Variants in ARFGEF1 observed in about 807,000 individuals in gnomAD.
The protein encoded by ARFGEF1 is brefeldin A-inhibited guanine nucleotide-exchange protein 1.
In ARFGEF1, 42 loss-of-function variants were observed where a neutral mutation model predicts 231.0. The observed-to-expected ratio is 0.18, with a 90% CI of 0.14 to 0.24. The LOEUF (loss-of-function observed/expected upper bound fraction) is 0.24, where lower values mean the gene tolerates loss of function less well. ARFGEF1 is among the 10% of genes least tolerant of loss of function. ARFGEF1 has a pLI of 1.00. For synonymous variants in ARFGEF1, 710 were observed against 732.3 expected (o/e 0.97, Z 0.49); for missense variants, 1,345 against 2,192.0 (o/e 0.61, Z 7.72).
At chr8:67,263,133 A>C (rs1804705234) in intron 14 of ARFGEF1, among the ~76,000 whole-genome samples, 1 of 151,940 alleles carries the variant, frequency 6.6e-6, no homozygotes, top group Admixed American at 6.6e-5. Flanking sequence ...CCATTCCCTA[A>C]ATCTATTTTT....
At chr8:67,287,842 G>T in intron 7 of ARFGEF1, 113 bp downstream of exon 7, 1 of 621,768 alleles carries the variant, frequency 1.6e-6, no homozygotes, top group Non-Finnish European at 2.5e-6. Flanking sequence ...ACTTTCCATT[G>T]GTTGGCTCCA....
chr8:67,175,034 G>A (rs1831277205), downstream of ARFGEF1: 3 of 399,228 alleles, frequency 7.5e-6, no homozygotes, highest in Admixed American at 1.1e-4. Context: ...AGGTAGAGAT[G>A]GACAATGCAA....
At chr8:67,265,430 G>A (rs1206441246) in intron 14 of ARFGEF1, among the ~76,000 whole-genome samples, 2 of 152,116 alleles carry the variant, frequency 1.3e-5, no homozygotes, top group Non-Finnish European at 2.9e-5. Context: ...GGCAACAAGA[G>A]AAAGGAAGGC....
chr8:67,265,560 A>G (rs1804817197), intron 14 of ARFGEF1, among the ~76,000 whole-genome samples: 1 of 152,184 alleles, frequency 6.6e-6, no homozygotes, highest in Non-Finnish European at 1.5e-5. Flanking sequence ...AAGAGAGGTG[A>G]TCACCTCATC....
At chr8:67,263,709 C>T (rs1447615141) in intron 14 of ARFGEF1, among the ~76,000 whole-genome samples, 1 of 152,118 alleles carries the variant, frequency 6.6e-6, no homozygotes, top group Non-Finnish European at 1.5e-5. Flanking sequence ...ACACTTTTCA[C>T]TAAGCTAAAC....
At chr8:67,208,629 C>CAAAAAAA (rs1226322166) in intron 34 of ARFGEF1, among the ~76,000 whole-genome samples, 1,330 of 50,416 alleles carry the variant, frequency 0.026, 19 homozygotes, top group African/African-American at 0.052. Flanking sequence ...GACTCCATCT[C>CAAAAAAA]AAAAAAAAAA....
intron 14 of ARFGEF1, 39 bp downstream of exon 14, chr8:67,265,967 G>A: frequency 6.3e-7 from 1 of 1,587,874 alleles, no homozygotes; most frequent in Non-Finnish European, 8.6e-7. Context: ...CTGGCAGAGA[G>A]ATATTCAATA....
At chr8:67,185,740 A>T (rs1051226310) in intron 5 of ARFGEF1, among the ~76,000 whole-genome samples, 9 of 152,160 alleles carry the variant, frequency 5.9e-5, no homozygotes, top group Middle Eastern at 3.2e-3. Flanking sequence ...AAGATGATGA[A>T]GATGATGATG....
chr8:67,177,469 G>A (rs1372175822), intron 5 of ARFGEF1, among the ~76,000 whole-genome samples: 1 of 152,164 alleles, frequency 6.6e-6, no homozygotes, highest in Non-Finnish European at 1.5e-5. Flanking sequence ...TACTTGTTAT[G>A]TTCATTCATG....
chr8:67,262,430 G>C (rs554225388), intron 14 of ARFGEF1, among the ~76,000 whole-genome samples: 75 of 152,252 alleles, frequency 4.9e-4, no homozygotes, highest in Admixed American at 1.3e-3. Context: ...ATCTACTACT[G>C]GTTAAGATGC....
At chr8:67,232,991 T>C (rs1163818413) in intron 22 of ARFGEF1, 46 bp from the exon 23 acceptor site, 1 of 1,452,008 alleles carries the variant, frequency 6.9e-7, no homozygotes, top group Non-Finnish European at 9.6e-7. Flanking sequence ...AATAATTCAG[T>C]AGAAGAATAC....
At chr8:67,193,251 AC>A (rs1836916154), downstream of ARFGEF1, among the ~76,000 whole-genome samples, 2 of 152,024 alleles carry the variant, frequency 1.3e-5, no homozygotes, top group South Asian at 4.1e-4. Context: ...GGCGCCTGCC[AC>A]CATGCCCAGC....
At chr8:67,214,257 G>A (rs1838848878) in intron 33 of ARFGEF1, among the ~76,000 whole-genome samples, 2 of 152,178 alleles carry the variant, frequency 1.3e-5, no homozygotes, top group Admixed American at 6.5e-5. Flanking sequence ...AGGAAATCAA[G>A]AACATGATAT....
chr8:67,310,949 C>A (rs1806990450), intron 1 of ARFGEF1, among the ~76,000 whole-genome samples: 1 of 82,176 alleles, frequency 1.2e-5, no homozygotes, highest in Non-Finnish European at 2.4e-5. Context: ...GGCAGCCACC[C>A]CGTCCAGGAG....
At chr8:67,306,749 G>T (rs549028646) in intron 1 of ARFGEF1, among the ~76,000 whole-genome samples, 1 of 152,020 alleles carries the variant, frequency 6.6e-6, no homozygotes, top group South Asian at 2.1e-4. Flanking sequence ...GAAAGCTCTC[G>T]AAAGCAAATG....
chr8:67,340,587 T>C (rs1026775766), intron 1 of ARFGEF1, among the ~76,000 whole-genome samples: 1 of 152,190 alleles, frequency 6.6e-6, no homozygotes, highest in African/African-American at 2.4e-5. Context: ...TGCTTATCAA[T>C]TTATGTTTGG....
At chr8:67,209,026 T>C (rs1218994840) in intron 34 of ARFGEF1, among the ~76,000 whole-genome samples, 1 of 152,226 alleles carries the variant, frequency 6.6e-6, no homozygotes, top group Non-Finnish European at 1.5e-5. Flanking sequence ...AGAAAATTGC[T>C]TGGTGGTTCC....
At chr8:67,192,914 G>T (rs190172740), downstream of ARFGEF1, among the ~76,000 whole-genome samples, 1 of 152,258 alleles carries the variant, frequency 6.6e-6, no homozygotes, top group East Asian at 1.9e-4. Flanking sequence ...TGCTGCTTCA[G>T]TTTTTTCCTT....
rs762354842 is a variant in ARFGEF1, at chr8:67,343,237, C to T, written c.51G>A (p.Glu17=). Residue 17 remains glutamate (E), a synonymous_variant, in exon 1 of 39, where the codon GAG becomes GAA. Coordinates refer to ENST00000262215, the MANE Select transcript of ARFGEF1 (RefSeq NM_006421.5). ...TKNMFLTRAL[E]KILADKEVKK... ...TCACTTCCTTGTCGGCCAATATCTT[C>T]TCCAGAGCCCGGGTCAGGAACATGT... is the stretch of plus-strand genomic sequence containing the variant. The T allele has an allele frequency of 1.9e-6, 3 of 1,613,908 alleles. No individual in the cohort carries two copies. Among genetic ancestry groups the T allele is most frequent in the Non-Finnish European group, 2.5e-6 (3 of 1,179,842 alleles).
Sources: gnomAD v4.1 joint callset for allele counts (sites outside exome capture counted in the v4.1 genomes callset) on GRCh38, gnomAD v4.1.1 for gene constraint, MANE v1.5 for transcripts, NCBI Gene and HGNC (gene_info 2026-07-23, HGNC 2026-07-21) for gene names.